ARHGAP22: variants seen among roughly 807,000 people sequenced by gnomAD.
ARHGAP22 encodes rho GTPase-activating protein 22.
A neutral mutation model predicts 59.1 loss-of-function variants in ARHGAP22; 48 were observed. The observed-to-expected ratio is 0.81, with a 90% CI of 0.64 to 1.03. The LOEUF (loss-of-function observed/expected upper bound fraction) is 1.03, where lower values mean the gene tolerates loss of function less well. Ranked by LOEUF, ARHGAP22 falls within the 50% of genes least tolerant of loss-of-function variation. ARHGAP22 has a pLI of 0.00. For missense variants in ARHGAP22, 1,015 were observed against 958.7 expected (o/e 1.06, Z -0.78); for synonymous variants, 445 against 416.4 (o/e 1.07, Z -0.84).
At chr10:48,627,769 C>T (rs556494969) in intron 1 of ARHGAP22, among the ~76,000 whole-genome samples, 18 of 152,268 alleles carry the variant, frequency 1.2e-4, no homozygotes, top group African/African-American at 4.3e-4. Context: ...TCTCAGGGCC[C>T]CTGGATGAGG....
At position 48,450,691 on chromosome 10, in the gene ARHGAP22, G is replaced by T; in HGVS notation, c.1438C>A (p.Leu480Ile). 2 of 1,551,886 alleles carry T rather than the reference G, an allele frequency of 1.3e-6. No homozygotes were observed. Among genetic ancestry groups the T allele is most frequent in the Non-Finnish European group, 1.7e-6 (2 of 1,147,878 alleles). ...GHRRASSGDR[L>I]KDSGSVQRLS... Reference sequence around the variant, plus strand: ...CTCTGCACGGAGCCCGAGTCCTTGAGCCGGTCTCCCGACGAGGCCCGGCGG... The same window carrying T: ...CTCTGCACGGAGCCCGAGTCCTTGATCCGGTCTCCCGACGAGGCCCGGCGG... The change falls in exon 9 of 10, where the codon CTC becomes ATC. Residue 480 changes from leucine to isoleucine, a missense_variant. Coordinates refer to ENST00000249601, the MANE Select transcript of ARHGAP22 (RefSeq NM_021226.4).
chr10:48,638,889 A>G (rs2061931843), intron 1 of ARHGAP22, among the ~76,000 whole-genome samples: 1 of 152,224 alleles, frequency 6.6e-6, no homozygotes, highest in Non-Finnish European at 1.5e-5. Context: ...ACTTCCAGCT[A>G]TGGCTAAATG....
At chr10:48,607,756 G>A (rs761322789), upstream of ARHGAP22, among the ~76,000 whole-genome samples, 10 of 152,322 alleles carry the variant, frequency 6.6e-5, no homozygotes, top group East Asian at 1.9e-4. Context: ...CTGCCTGCAC[G>A]GTGCTGCCCC....
At chr10:48,627,398 G>C in intron 1 of ARHGAP22, among the ~76,000 whole-genome samples, 1 of 152,200 alleles carries the variant, frequency 6.6e-6, no homozygotes, top group East Asian at 1.9e-4. Flanking sequence ...GCTCTGGAGA[G>C]CTAATGTCAG....
chr10:48,433,646 C>T, the ARHGAP22 span, among the ~76,000 whole-genome samples: 2 of 152,198 alleles, frequency 1.3e-5, no homozygotes, highest in Non-Finnish European at 2.9e-5. Context: ...TTCTGTATCC[C>T]AGTCCCCTCC....
At chr10:48,555,893 T>C (rs917052811) in intron 2 of ARHGAP22, among the ~76,000 whole-genome samples, 1 of 152,186 alleles carries the variant, frequency 6.6e-6, no homozygotes, top group Admixed American at 6.5e-5. Context: ...GGTTTCAGGC[T>C]GGACAGGGTC....
At chr10:48,584,164 C>T (rs1043918884) in intron 1 of ARHGAP22, among the ~76,000 whole-genome samples, 2 of 152,196 alleles carry the variant, frequency 1.3e-5, no homozygotes, top group Admixed American at 6.5e-5. Context: ...ATTCTTAGGC[C>T]ATGGATCCTA....
chr10:48,454,402 G>A (rs574778559), intron 6 of ARHGAP22, among the ~76,000 whole-genome samples: 23 of 152,146 alleles, frequency 1.5e-4, no homozygotes, highest in Non-Finnish European at 2.6e-4. Context: ...TACAGGGCCC[G>A]TGGAGGAATG....
intron 3 of ARHGAP22, among the ~76,000 whole-genome samples, chr10:48,500,262 T>C (rs1413112958): frequency 6.6e-6 from 1 of 152,106 alleles, no homozygotes; most frequent in Non-Finnish European, 1.5e-5. Context: ...GAGGGTAACT[T>C]GACCTCAGCA....
intron 5 of ARHGAP22, among the ~76,000 whole-genome samples, chr10:48,458,198 C>T (rs1269521051): frequency 6.6e-6 from 1 of 152,120 alleles, no homozygotes; most frequent in Non-Finnish European, 1.5e-5. Flanking sequence ...GGAGATGGCC[C>T]TCCTGACACA....
intron 3 of ARHGAP22, among the ~76,000 whole-genome samples, chr10:48,534,559 C>A (rs747473955): frequency 6.6e-6 from 1 of 152,206 alleles, no homozygotes. Flanking sequence ...GGGTGGGAGG[C>A]GGTCTCGGTT....
At chr10:48,530,142 C>G (rs1202570612) in intron 3 of ARHGAP22, among the ~76,000 whole-genome samples, 1 of 144,670 alleles carries the variant, frequency 6.9e-6, no homozygotes, top group Non-Finnish European at 1.5e-5. Context: ...GAGGCTGAGG[C>G]AGGAGAATTG....
chr10:48,486,670 C>CGTAA (rs1256082712), intron 3 of ARHGAP22, among the ~76,000 whole-genome samples: 11 of 152,138 alleles, frequency 7.2e-5, no homozygotes, highest in Non-Finnish European at 1.0e-4. Context: ...CATATATTTA[C>CGTAA]CCATGTAGTT....
rs772405650 is a variant in ARHGAP22, at chr10:48,450,803, C to G, written c.1326G>C (p.Pro442=). The stretch of plus-strand genomic sequence containing the variant: ...CCTCCAGGGATGAGCCGCCCCCCTT[C>G]GGGCTTCCCGATAGGGACCTCGGCT... ...FRQPRSLSGS[P]KGGGSSLEVP... The change falls in exon 9 of 10, where the codon CCG becomes CCC. Residue 442 remains proline, a synonymous_variant. Transcript: ENST00000249601. The G allele has an allele frequency of 1.1e-4, 180 of 1,575,648 alleles. No individual in the cohort carries two copies. Among genetic ancestry groups the G allele is most frequent in the Non-Finnish European group, 1.5e-4 (173 of 1,161,520 alleles).
chr10:48,488,192 T>A (rs1258775035), intron 3 of ARHGAP22, among the ~76,000 whole-genome samples: 1 of 152,266 alleles, frequency 6.6e-6, no homozygotes, highest in Non-Finnish European at 1.5e-5. Context: ...TTAGTTTTCA[T>A]CTCATACGTA....
intron 1 of ARHGAP22, among the ~76,000 whole-genome samples, chr10:48,602,933 T>C (rs923618386): frequency 2.6e-5 from 4 of 152,140 alleles, no homozygotes; most frequent in African/African-American, 9.7e-5. Context: ...AAGGTGTGTG[T>C]GTATGTTTGT....
Position 48,616,383 on chromosome 10 carries a change from T to C in ARHGAP22, c.53-33231A>G, listed in dbSNP as rs555451893. On this transcript the variant is annotated intron_variant, in intron 1 of 9. Transcript: ENST00000435790. The stretch of plus-strand genomic sequence containing the variant: ...TCTCCTAGATATGCCTACATATGCA[T>C]AGAGGAAGTCCAAGAAAGAAAAGAG... Among the ~76,000 whole-genome samples the C allele has an allele frequency of 3.9e-5, 6 of 152,188 alleles. No homozygotes were observed. The East Asian group carries it at 5.8e-4, about 15-fold the overall frequency.
In ARHGAP22 at chr10:48,450,677, G is replaced by T. The variant is rs1463111055; in HGVS notation, c.1452C>A (p.Gly484=). 9.0e-6 allele frequency: 14 copies of T among 1,550,758 alleles called. No homozygotes were observed. Among genetic ancestry groups the T allele is most frequent in the Non-Finnish European group, 1.1e-5 (13 of 1,147,256 alleles). The change falls in exon 9 of 10, where the codon GGC becomes GGA. Residue 484 remains glycine, a synonymous_variant. Transcript: ENST00000249601. ...ASSGDRLKDS[G]SVQRLSTYDN... Reference sequence around the variant, plus strand: ...CGTAGGTGGAGAGTCTCTGCACGGAGCCCGAGTCCTTGAGCCGGTCTCCCG... The same window carrying T: ...CGTAGGTGGAGAGTCTCTGCACGGATCCCGAGTCCTTGAGCCGGTCTCCCG...
chr10:48,614,782 C>T (rs1435958114), intron 1 of ARHGAP22, among the ~76,000 whole-genome samples: 1 of 152,166 alleles, frequency 6.6e-6, no homozygotes, highest in East Asian at 1.9e-4. Flanking sequence ...CAAATGACAG[C>T]CCTGGTGACA....
Sources: gnomAD v4.1 joint callset for allele counts (sites outside exome capture counted in the v4.1 genomes callset) on GRCh38, gnomAD v4.1.1 for gene constraint, MANE v1.5 for transcripts, NCBI Gene and HGNC (gene_info 2026-07-23, HGNC 2026-07-21) for gene names.